Variants in RNF169 observed in about 807,000 individuals in gnomAD.
RNF169 encodes ring finger protein 169.
RNF169 carries 24 observed loss-of-function variants against 53.9 expected under a neutral mutation model. The ratio of observed to expected loss-of-function variants is 0.45; its 90% CI spans 0.32 to 0.63. The LOEUF (loss-of-function observed/expected upper bound fraction) is 0.63. RNF169 is among the 20% of genes least tolerant of loss of function. The pLI is 0.04. For synonymous variants in RNF169, 396 were observed against 363.5 expected (o/e 1.09, Z -1.02); for missense variants, 883 against 906.2 (o/e 0.97, Z 0.33).
intron 4 of RNF169, among the ~76,000 whole-genome samples, chr11:74,828,283 G>A (rs775007834): frequency 2.0e-5 from 3 of 152,140 alleles, no homozygotes; most frequent in Non-Finnish European, 2.9e-5. Context: ...GGGAAGGCAG[G>A]ATCTCTTCAA....
chr11:74,823,738 G>GAAAAAAAAAAAAAA (rs35164191), intron 4 of RNF169, among the ~76,000 whole-genome samples: 2 of 105,732 alleles, frequency 1.9e-5, no homozygotes, highest in Non-Finnish European at 2.0e-5. Context: ...CCCTGTCTCA[G>GAAAAAAAAAAAAAA]AAAAAAAAAA....
intron 1 of RNF169, among the ~76,000 whole-genome samples, chr11:74,763,655 G>A (rs1849478129): frequency 6.6e-6 from 1 of 151,778 alleles, no homozygotes; most frequent in Non-Finnish European, 1.5e-5. Flanking sequence ...TACAAATAAA[G>A]CAAAATATGA....
intron 4 of RNF169, among the ~76,000 whole-genome samples, chr11:74,822,017 G>A (rs1470769211): frequency 6.6e-6 from 1 of 151,474 alleles, no homozygotes; most frequent in East Asian, 1.9e-4. Context: ...GGGTGTGTGT[G>A]TGTGAGTGAG....
At chr11:74,828,649 A>G (rs965506034) in intron 4 of RNF169, among the ~76,000 whole-genome samples, 6 of 152,226 alleles carry the variant, frequency 3.9e-5, no homozygotes, top group Non-Finnish European at 5.9e-5. Context: ...AAGAACAGAC[A>G]GACCAATGGA....
intron 4 of RNF169, among the ~76,000 whole-genome samples, chr11:74,826,402 C>G (rs934428068): frequency 1.6e-4 from 25 of 152,136 alleles, no homozygotes; most frequent in African/African-American, 6.0e-4. Context: ...GGAAACCACC[C>G]CCATGATTCA....
In RNF169 at chr11:74,748,853, C is replaced by T. The variant is rs776047638; in HGVS notation, c.-28C>T. On this transcript the variant is annotated 5_prime_UTR_variant, in exon 1 of 6. Coordinates refer to ENST00000299563, the MANE Select transcript of RNF169 (RefSeq NM_001098638.2). ...CGCCCTCCACTCTTCTCCCTCGCAA[C>T]CGACTCTCCCTTCAAACGGGAAACA... The T allele has an allele frequency of 1.2e-4, 163 of 1,376,720 alleles. No homozygotes were observed. The highest frequency in any genetic ancestry group is 1.5e-4 in the Non-Finnish European group (153 of 1,053,512). 85.3% of individuals were successfully genotyped at this position (1,376,720 alleles called of 1,614,324 possible). A position where few individuals can be genotyped will look rare whatever the true frequency, so the allele number is the denominator to read the frequency against.
Position 74,834,762 on chromosome 11 carries a change from G to T in RNF169, c.929G>T (p.Gly310Val). The T allele has an allele frequency of 1.2e-6, 2 of 1,613,726 alleles. No homozygotes were observed. Among genetic ancestry groups the T allele is most frequent in the Non-Finnish European group, 1.7e-6 (2 of 1,179,798 alleles). The change falls in exon 5 of 6, where the codon GGC becomes GTC. Residue 310 changes from glycine to valine, a missense_variant. Physicochemically the swap from Gly to Val is moderately radical, Grantham distance 109. This residue lies in a region of RNF169 where 219 missense variants were observed against 289.1 expected (regional missense o/e 0.76). Coordinates refer to ENST00000299563, the MANE Select transcript of RNF169 (RefSeq NM_001098638.2). ...AAGAGCAGAGTCAGAGCAGTTCCAG[G>T]CAACAAAGCCAAGGTACACCTCAGC... ...RAKSRVRAVPGNKAKVTTMTP... is the reference protein window; with the variant it reads ...RAKSRVRAVPVNKAKVTTMTP...
In RNF169 at chr11:74,834,680, C is replaced by T; in HGVS notation, c.847C>T (p.Leu283=). ...TTTTTATTTATTCTTTTTTAGGAAGCTAAACTCCAAGGTGGAAAGGAGTCA... is the reference window on the plus strand; with the variant it reads ...TTTTTATTTATTCTTTTTTAGGAAGTTAAACTCCAAGGTGGAAAGGAGTCA... ...SYSLAFLAGK[L]NSKVERSQSC... The change falls in exon 5 of 6, where the codon CTA becomes TTA. Residue 283 remains leucine, a synonymous_variant. Coordinates refer to ENST00000299563, the MANE Select transcript of RNF169 (RefSeq NM_001098638.2). 1.2e-6 allele frequency: 2 copies of T among 1,607,552 alleles called. No individual in the cohort carries two copies. The highest frequency in any genetic ancestry group is 1.7e-6 in the Non-Finnish European group (2 of 1,177,394).
At chr11:74,786,171 C>G (rs1186120578) in intron 1 of RNF169, among the ~76,000 whole-genome samples, 1 of 151,528 alleles carries the variant, frequency 6.6e-6, no homozygotes, top group Non-Finnish European at 1.5e-5. Context: ...GATCTCCTGA[C>G]CTTGTGATCT....
intron 2 of RNF169, among the ~76,000 whole-genome samples, chr11:74,790,541 G>A (rs989981314): frequency 1.5e-4 from 23 of 152,166 alleles, no homozygotes; most frequent in Non-Finnish European, 4.4e-5. Context: ...GGGCCTGCTG[G>A]GCTCATTCTG....
At position 74,783,867 on chromosome 11, in the gene RNF169, T is replaced by G. The variant is rs890009932; in HGVS notation, c.503-5759T>G. 5.9e-5 allele frequency among the ~76,000 whole-genome samples: 9 copies of G among 152,342 alleles called. No individual in the cohort carries two copies. In the South Asian group the frequency reaches 1.5e-3, roughly 25 times the overall value. Reference sequence around the variant, plus strand: ...ACAATTGTTTTATTGTATGTGATTGTTCTTTATTAAAAATCTGGGAAACTG... The same window carrying G: ...ACAATTGTTTTATTGTATGTGATTGGTCTTTATTAAAAATCTGGGAAACTG... On this transcript the variant is annotated intron_variant, in intron 1 of 5. Transcript: ENST00000299563.
rs141347254 is a variant in RNF169 at position 74,829,723 on chromosome 11, C to T, written c.843-4953C>T. Among the ~76,000 whole-genome samples the T allele has an allele frequency of 5.8e-3, 880 of 152,258 alleles. 9 individuals are homozygous for T. Among genetic ancestry groups the T allele is most frequent in the African/African-American group, 0.02 (813 of 41,520 alleles). ...ATGGATGGAGCTGGAAGCCATCATT[C>T]TCAGCAAACTAATGCAGGAACAGAA... On this transcript the variant is annotated intron_variant, in intron 4 of 5. Transcript: ENST00000299563.
chr11:74,793,988 A>T (rs1283061562), intron 2 of RNF169, among the ~76,000 whole-genome samples: 1 of 151,928 alleles, frequency 6.6e-6, no homozygotes, highest in African/African-American at 2.4e-5. Flanking sequence ...TGAGATCATG[A>T]TATATATATA....
intron 4 of RNF169, among the ~76,000 whole-genome samples, chr11:74,822,039 GAGA>G (rs1463636123): frequency 3.3e-5 from 5 of 151,330 alleles, no homozygotes; most frequent in African/African-American, 9.8e-5. Flanking sequence ...GAGAGAGAGA[GAGA>G]GGTGTGTGTG....
rs1429965146 is a variant in RNF169, at chr11:74,836,676, AG to A, written c.2075del (p.Gly692GlufsTer20). On this transcript the variant is annotated frameshift_variant, in exon 6 of 6. Coordinates refer to ENST00000299563, the MANE Select transcript of RNF169 (RefSeq NM_001098638.2). LOFTEE classifies it high-confidence loss of function. ...NERRTVSRRK[G>X]SVDQYLLRSS... ...AGAGGCGGACTGTGAGCCGGCGAAA[AG>A]GAAGTGTGGATCAGTATCTCCTACG... 6.2e-7 allele frequency: 1 copy of A among 1,613,532 alleles called. No homozygotes were observed. Among genetic ancestry groups the A allele is most frequent in the Non-Finnish European group, 8.5e-7 (1 of 1,180,030 alleles).
chr11:74,830,956 C>T (rs1376267844), intron 4 of RNF169: 5 of 152,112 alleles, frequency 3.3e-5, no homozygotes, highest in Non-Finnish European at 5.9e-5. Context: ...AAATCTTATA[C>T]CCTTTCATGA....
Position 74,837,063 on chromosome 11 carries a change from C to T in RNF169, c.*333C>T, listed in dbSNP as rs2036268342. 2 of 190,106 alleles carry T rather than the reference C, an allele frequency of 1.1e-5. No individual in the cohort carries two copies. Among genetic ancestry groups the T allele is most frequent in the Admixed American group, 1.1e-4 (2 of 17,938 alleles). The allele number at this position is 190,106 out of a possible 1,614,324, so 11.8% of individuals were successfully genotyped here. A position where few individuals can be genotyped will look rare whatever the true frequency, so the allele number is the denominator to read the frequency against. On this transcript the variant is annotated 3_prime_UTR_variant, in exon 6 of 6. Coordinates refer to ENST00000299563, the MANE Select transcript of RNF169 (RefSeq NM_001098638.2). ...GATACCTTCTTAAACTGATAGACTT[C>T]CTGACTTCTTTCAGCAGGGTATTGT...
Position 74,789,347 on chromosome 11 carries a change from G to A in RNF169, c.503-279G>A, listed in dbSNP as rs145569147. Reference sequence around the variant, plus strand: ...TTGGGGAGACTATTTTCTATAACAAGCATTTATCAACCTCAGTGGGATGTA... The same window carrying A: ...TTGGGGAGACTATTTTCTATAACAAACATTTATCAACCTCAGTGGGATGTA... On this transcript the variant is annotated intron_variant, in intron 1 of 5. Transcript: ENST00000299563. Among the ~76,000 whole-genome samples the A allele has an allele frequency of 1.1e-4, 17 of 152,246 alleles. 1 individual carries two copies. In the East Asian group the frequency reaches 3.3e-3, roughly 29 times the overall value.
At chr11:74,752,585 G>C (rs1487784297) in intron 1 of RNF169, among the ~76,000 whole-genome samples, 6 of 142,872 alleles carry the variant, frequency 4.2e-5, no homozygotes, top group South Asian at 2.3e-4. Context: ...GGCAGAGCAA[G>C]ACTCTGTCTC....
Sources: allele counts gnomAD v4.1 joint callset (sites outside exome capture counted in the v4.1 genomes callset), GRCh38; gene constraint gnomAD v4.1.1; regional missense constraint gnomAD v4.1.1; transcripts MANE v1.5; gene names NCBI Gene and HGNC (gene_info 2026-07-23, HGNC 2026-07-21).